The following ADAMTS12 variants were observed in gnomAD, a reference collection of about 807,000 sequenced individuals.
ADAMTS12 encodes A disintegrin and metalloproteinase with thrombospondin motifs 12.
A neutral mutation model predicts 167.8 loss-of-function variants in ADAMTS12; 118 were observed. That is an observed-to-expected ratio of 0.70 (90% CI 0.61 to 0.82). The LOEUF (loss-of-function observed/expected upper bound fraction) is 0.82, where lower values mean the gene tolerates loss of function less well. ADAMTS12 is among the 40% of genes least tolerant of loss of function. ADAMTS12 has a pLI of 0.00. For missense variants in ADAMTS12, 1,916 were observed against 1,998.8 expected (o/e 0.96, Z 0.79); for synonymous variants, 704 against 716.9 (o/e 0.98, Z 0.29).
intron 6 of ADAMTS12, 100 bp downstream of exon 6, chr5:33,661,815 AG>A (rs1184557513): frequency 6.6e-7 from 1 of 1,508,672 alleles, no homozygotes; most frequent in Non-Finnish European, 9.0e-7. Context: ...AGAGCAGCAA[AG>A]AATAGTGAGA....
chr5:33,734,720 T>G lies in ADAMTS12; in HGVS notation c.634+16684A>C, dbSNP rs1484066796. On this transcript the variant is annotated intron_variant, in intron 3 of 23. Transcript: ENST00000504830. ...GCAAAGGATGACAACACCAAAGGCC[T>G]GAGAGGAAGGGGCTATAGCCAAAAC... Among the ~76,000 whole-genome samples, 5 of 152,066 alleles carry G rather than the reference T, an allele frequency of 3.3e-5. 1 individual carries two copies. In the East Asian group the frequency reaches 9.7e-4, roughly 29 times the overall value.
At chr5:33,661,787 A>G (rs1741268426) in intron 6 of ADAMTS12, 129 bp downstream of exon 6, 5 of 1,348,422 alleles carry the variant, frequency 3.7e-6, no homozygotes, top group Middle Eastern at 2.7e-4. Flanking sequence ...TGACTAGATC[A>G]AAGACACTGT....
At chr5:33,849,320 T>A (rs796110076) in intron 2 of ADAMTS12, among the ~76,000 whole-genome samples, 33 of 75,722 alleles carry the variant, frequency 4.4e-4, no homozygotes, top group Admixed American at 1.1e-3. Flanking sequence ...ATTGCATAGC[T>A]ATATATATAT....
At chr5:33,823,010 G>A (rs939550706) in intron 2 of ADAMTS12, among the ~76,000 whole-genome samples, 1 of 151,238 alleles carries the variant, frequency 6.6e-6, no homozygotes, top group Non-Finnish European at 1.5e-5. Flanking sequence ...AGGATCCTTG[G>A]AGCCCGGCAG....
At chr5:33,644,700 G>T (rs115662683) in intron 9 of ADAMTS12, among the ~76,000 whole-genome samples, 2 of 151,234 alleles carry the variant, frequency 1.3e-5, no homozygotes, top group African/African-American at 2.4e-5. Flanking sequence ...TTAGATTTTT[G>T]AATTAGAGGC....
intron 5 of ADAMTS12, among the ~76,000 whole-genome samples, chr5:33,670,157 T>TAA (rs59996249): frequency 0.64 from 96,367 of 150,308 alleles, 32,139 homozygotes; most frequent in South Asian, 0.84. Flanking sequence ...CACTCAACAA[T>TAA]AAAAAAAAAT....
chr5:33,581,499 G>C lies in ADAMTS12; in HGVS notation c.2866-4339C>G, dbSNP rs1199858674. On this transcript the variant is annotated intron_variant, in intron 18 of 23. Coordinates refer to ENST00000504830, the MANE Select transcript of ADAMTS12 (RefSeq NM_030955.4). The stretch of plus-strand genomic sequence containing the variant: ...AATTGGCACTGAGCTGTAGTGCTGA[G>C]AAAGGGTTTATTCGAAAACACAGTC... Among the ~76,000 whole-genome samples, 3 of 152,184 alleles carry C rather than the reference G, an allele frequency of 2.0e-5. No individual in the cohort carries two copies. The East Asian group carries it at 5.8e-4, about 29-fold the overall frequency.
chr5:33,751,234 A>T, intron 3 of ADAMTS12, 170 bp downstream of exon 3: 1 of 816,922 alleles, frequency 1.2e-6, no homozygotes, highest in Non-Finnish European at 1.9e-6. Context: ...AAAAGAATGT[A>T]CACTTTCTGG....
intron 2 of ADAMTS12, among the ~76,000 whole-genome samples, chr5:33,775,811 A>G (rs1745893910): frequency 6.6e-6 from 1 of 152,158 alleles, no homozygotes. Context: ...TCATATATTG[A>G]AGCCTAATCA....
chr5:33,647,145 G>A (rs1161000651), intron 9 of ADAMTS12, among the ~76,000 whole-genome samples: 1 of 152,162 alleles, frequency 6.6e-6, no homozygotes, highest in Non-Finnish European at 1.5e-5. Flanking sequence ...ATTAGAGAGT[G>A]AAGGGCTAAA....
chr5:33,699,154 T>C (rs1742897137), intron 3 of ADAMTS12, among the ~76,000 whole-genome samples: 1 of 151,960 alleles, frequency 6.6e-6, no homozygotes, highest in African/African-American at 2.4e-5. Context: ...CGAAACTCCA[T>C]CTCAAACAAT....
At chr5:33,601,957 C>A (rs1684117273) in intron 16 of ADAMTS12, among the ~76,000 whole-genome samples, 1 of 152,158 alleles carries the variant, frequency 6.6e-6, no homozygotes, top group South Asian at 2.1e-4. Context: ...AAATTCACCA[C>A]AATCAAGAGT....
intron 5 of ADAMTS12, among the ~76,000 whole-genome samples, chr5:33,672,806 T>C (rs1446403373): frequency 6.6e-6 from 1 of 152,192 alleles, no homozygotes; most frequent in Non-Finnish European, 1.5e-5. Flanking sequence ...CTCCAATGTT[T>C]TCATCATAAT....
chr5:33,702,542 A>G (rs1461272047), intron 3 of ADAMTS12, among the ~76,000 whole-genome samples: 1 of 152,234 alleles, frequency 6.6e-6, no homozygotes, highest in Non-Finnish European at 1.5e-5. Context: ...TTTTAGATAA[A>G]CAAGAGTCTA....
chr5:33,754,639 T>C (rs1284671128), intron 2 of ADAMTS12, among the ~76,000 whole-genome samples: 4 of 152,146 alleles, frequency 2.6e-5, no homozygotes, highest in Non-Finnish European at 5.9e-5. Context: ...GGTCAGGAGT[T>C]CGAGACCAGC....
At chr5:33,660,985 A>G (rs1167501509) in intron 6 of ADAMTS12, among the ~76,000 whole-genome samples, 1 of 152,160 alleles carries the variant, frequency 6.6e-6, no homozygotes, top group East Asian at 1.9e-4. Flanking sequence ...ATCTTATCAC[A>G]GGGACAGATC....
At position 33,813,112 on chromosome 5, in the gene ADAMTS12, T is replaced by C. The variant is rs539386641; in HGVS notation, c.490-61564A>G. 2.6e-5 allele frequency among the ~76,000 whole-genome samples: 4 copies of C among 152,362 alleles called. No individual in the cohort carries two copies. In the South Asian group the frequency reaches 8.3e-4, roughly 32 times the overall value. ...TAGCCAGTACCAGCTTGCAGCCATG[T>C]GGGTGACTTGCTGGATCACGCAAAA... On this transcript the variant is annotated intron_variant, in intron 2 of 23. Coordinates refer to ENST00000504830, the MANE Select transcript of ADAMTS12 (RefSeq NM_030955.4).
At chr5:33,613,677 A>G (rs1172574208) in intron 16 of ADAMTS12, among the ~76,000 whole-genome samples, 2 of 152,202 alleles carry the variant, frequency 1.3e-5, no homozygotes, top group Non-Finnish European at 2.9e-5. Flanking sequence ...TTGAATTACT[A>G]AGATTTCAAT....
At chr5:33,759,983 A>T (rs911070415) in intron 2 of ADAMTS12, among the ~76,000 whole-genome samples, 1 of 152,218 alleles carries the variant, frequency 6.6e-6, no homozygotes, top group African/African-American at 2.4e-5. Context: ...CAAAAGAATC[A>T]TATGGAGAGC....
Sources: gnomAD v4.1 joint callset for allele counts (sites outside exome capture counted in the v4.1 genomes callset) on GRCh38, gnomAD v4.1.1 for gene constraint, MANE v1.5 for transcripts, NCBI Gene and HGNC (gene_info 2026-07-23, HGNC 2026-07-21) for gene names.